The following ST6GALNAC3 variants were observed in gnomAD, a reference collection of about 807,000 sequenced individuals.
ST6GALNAC3 encodes ST6 N-acetylgalactosaminide alpha-2,6-sialyltransferase 3, also known as alpha-N-acetylgalactosaminide alpha-2,6-sialyltransferase 3.
ST6GALNAC3 carries 25 observed loss-of-function variants against 32.7 expected under a neutral mutation model. That is an observed-to-expected ratio of 0.76 (90% CI 0.56 to 1.07). The LOEUF (loss-of-function observed/expected upper bound fraction) is 1.07, where lower values mean the gene tolerates loss of function less well. Ranked by LOEUF, ST6GALNAC3 falls within the 50% of genes least tolerant of loss-of-function variation. The probability of loss-of-function intolerance (pLI) is 0.00; values close to 1 mark genes in which losing one functional copy is unlikely to be tolerated. For missense variants in ST6GALNAC3, 355 were observed against 382.4 expected (o/e 0.93, Z 0.60); for synonymous variants, 129 against 133.1 (o/e 0.97, Z 0.21).
intron 1 of ST6GALNAC3, among the ~76,000 whole-genome samples, chr1:76,156,617 T>C (rs1651445297): frequency 1.3e-5 from 2 of 151,682 alleles, no homozygotes; most frequent in South Asian, 4.2e-4. Flanking sequence ...TCATTGCGGG[T>C]TTTTGTTTTT....
Position 76,518,757 on chromosome 1 carries a change from G to A in ST6GALNAC3, c.623+106340G>A, listed in dbSNP as rs1662325924. The stretch of plus-strand genomic sequence containing the variant: ...CCATTTTCTTAGGAATTATTTCCTG[G>A]AAATTGCCCTTTAAAGTGTCATTTA... On this transcript the variant is annotated intron_variant, in intron 3 of 4. Coordinates refer to ENST00000328299, the MANE Select transcript of ST6GALNAC3 (RefSeq NM_152996.4). Among the ~76,000 whole-genome samples, 3 of 151,964 alleles carry A rather than the reference G, an allele frequency of 2.0e-5. No individual in the cohort carries two copies. In the South Asian group the frequency reaches 6.2e-4, roughly 32 times the overall value.
At chr1:76,292,312 T>C (rs116124076) in intron 1 of ST6GALNAC3, among the ~76,000 whole-genome samples, 5 of 152,002 alleles carry the variant, frequency 3.3e-5, no homozygotes, top group Non-Finnish European at 7.4e-5. Flanking sequence ...TTCAGTAGAG[T>C]GGGAAATGAT....
intron 3 of ST6GALNAC3, among the ~76,000 whole-genome samples, chr1:76,529,148 T>G (rs1033354047): frequency 2.6e-5 from 4 of 152,116 alleles, no homozygotes; most frequent in Admixed American, 6.6e-5. Flanking sequence ...ATATGAATAT[T>G]GTATGCTGAA....
At chr1:76,503,668 A>C (rs768492329) in intron 3 of ST6GALNAC3, among the ~76,000 whole-genome samples, 1 of 152,222 alleles carries the variant, frequency 6.6e-6, no homozygotes, top group Non-Finnish European at 1.5e-5. Context: ...TGTGCTAGAC[A>C]CTGTTAGTGA....
At chr1:76,167,440 G>A (rs745971723) in intron 1 of ST6GALNAC3, among the ~76,000 whole-genome samples, 1 of 152,178 alleles carries the variant, frequency 6.6e-6, no homozygotes, top group Non-Finnish European at 1.5e-5. Flanking sequence ...CTATTGGCCT[G>A]AAGATTCCTT....
In ST6GALNAC3 at chr1:76,184,527, A is replaced by G. The variant is rs1239986379; in HGVS notation, c.18+109643A>G. On this transcript the variant is annotated intron_variant, in intron 1 of 4. Coordinates refer to ENST00000328299, the MANE Select transcript of ST6GALNAC3 (RefSeq NM_152996.4). ...GCATTCCCTCCTGGGCAGCACACAC[A>G]CACACACACACACACACACACACAC... Among the ~76,000 whole-genome samples the G allele has an allele frequency of 5.8e-3, 784 of 134,944 alleles. 5 individuals carry two copies. The highest frequency in any genetic ancestry group is 0.015 in the African/African-American group (509 of 34,232). 88.5% of individuals were successfully genotyped at this position (134,944 alleles called of 152,430 possible). A position where few individuals can be genotyped will look rare whatever the true frequency, so the allele number is the denominator to read the frequency against.
At chr1:76,103,941 A>G (rs898776388) in intron 1 of ST6GALNAC3, among the ~76,000 whole-genome samples, 9 of 152,204 alleles carry the variant, frequency 5.9e-5, no homozygotes, top group South Asian at 2.1e-4. Flanking sequence ...CCTTTGCTAC[A>G]TAAGGTAATA....
At chr1:76,495,645 A>C (rs2101708687) in intron 3 of ST6GALNAC3, among the ~76,000 whole-genome samples, 1 of 152,260 alleles carries the variant, frequency 6.6e-6, no homozygotes, top group South Asian at 2.1e-4. Context: ...CCTAAAGATA[A>C]ACTTTTAAAT....
At chr1:76,372,124 C>T (rs1460173348) in intron 2 of ST6GALNAC3, among the ~76,000 whole-genome samples, 1 of 152,060 alleles carries the variant, frequency 6.6e-6, no homozygotes, top group Non-Finnish European at 1.5e-5. Flanking sequence ...GTGAGACTAT[C>T]GAGTGTGTCC....
At chr1:76,437,938 A>T (rs544524350) in intron 3 of ST6GALNAC3, among the ~76,000 whole-genome samples, 21 of 151,868 alleles carry the variant, frequency 1.4e-4, no homozygotes, top group African/African-American at 5.1e-4. Context: ...AACTTTTTTC[A>T]ATTTTGCATT....
At chr1:76,357,130 C>CTTTTTTTTTTGT (rs1649529191) in intron 2 of ST6GALNAC3, among the ~76,000 whole-genome samples, 1 of 111,176 alleles carries the variant, frequency 9.0e-6, no homozygotes, top group Non-Finnish European at 1.7e-5. Context: ...TTTTCTTTTT[C>CTTTTTTTTTTGT]TTTTTTTTTT....
chr1:76,313,418 T>A (rs1203998279), intron 1 of ST6GALNAC3, among the ~76,000 whole-genome samples: 2 of 152,138 alleles, frequency 1.3e-5, no homozygotes, highest in African/African-American at 4.8e-5. Context: ...GATGGGACTT[T>A]ACCTCTGTTA....
At chr1:76,611,826 C>A (rs1210880208) in intron 3 of ST6GALNAC3, among the ~76,000 whole-genome samples, 3 of 152,142 alleles carry the variant, frequency 2.0e-5, no homozygotes, top group Non-Finnish European at 4.4e-5. Flanking sequence ...AAAAATCATT[C>A]CTTACCCTTG....
intron 1 of ST6GALNAC3, among the ~76,000 whole-genome samples, chr1:76,091,825 A>G (rs1647050708): frequency 6.6e-6 from 1 of 152,092 alleles, no homozygotes; most frequent in Non-Finnish European, 1.5e-5. Context: ...ATGTAAGTGC[A>G]CTCTATGATG....
intron 3 of ST6GALNAC3, among the ~76,000 whole-genome samples, chr1:76,450,506 C>A (rs965904883): frequency 1.3e-5 from 2 of 152,154 alleles, no homozygotes; most frequent in Admixed American, 1.3e-4. Flanking sequence ...GATTTTCTCC[C>A]ACTCTACAGG....
chr1:76,278,660 C>A (rs116106170), intron 1 of ST6GALNAC3, among the ~76,000 whole-genome samples: 280 of 152,116 alleles, frequency 1.8e-3, no homozygotes, highest in African/African-American at 6.2e-3. Flanking sequence ...GAAAAATAAA[C>A]AGAAAATGTT....
intron 1 of ST6GALNAC3, among the ~76,000 whole-genome samples, chr1:76,290,517 C>T (rs1660024812): frequency 6.6e-6 from 1 of 152,058 alleles, no homozygotes. Context: ...ACGAATGCCA[C>T]CTCTTTGGGT....
rs539253336 is a variant in ST6GALNAC3, at chr1:76,312,252, T to G, written c.19-1553T>G. On this transcript the variant is annotated intron_variant, in intron 1 of 4. Transcript: ENST00000328299. Reference sequence around the variant, plus strand: ...TGCAGAAAACTGAAACTGGACCCCTTCCTTATACCTTATACAAAAATTAAG... The same window carrying G: ...TGCAGAAAACTGAAACTGGACCCCTGCCTTATACCTTATACAAAAATTAAG... Among the ~76,000 whole-genome samples the G allele has an allele frequency of 2.0e-4, 30 of 152,256 alleles. No homozygotes were observed. The East Asian group carries it at 5.8e-3, about 29-fold the overall frequency.
At chr1:76,495,109 A>G (rs1037618596) in intron 3 of ST6GALNAC3, among the ~76,000 whole-genome samples, 5 of 152,088 alleles carry the variant, frequency 3.3e-5, no homozygotes, top group African/African-American at 1.2e-4. Flanking sequence ...TACTGATTCA[A>G]ATGTTAATCT....
Sources: gnomAD v4.1 joint callset for allele counts (sites outside exome capture counted in the v4.1 genomes callset) on GRCh38, gnomAD v4.1.1 for gene constraint, MANE v1.5 for transcripts, NCBI Gene and HGNC (gene_info 2026-07-23, HGNC 2026-07-21) for gene names.